Variants in PTPRD observed in about 807,000 individuals in gnomAD.
The protein encoded by PTPRD is receptor-type tyrosine-protein phosphatase delta.
Under a neutral mutation model 214.5 loss-of-function variants are expected in PTPRD, and 34 were observed. That is an observed-to-expected ratio of 0.16 (90% confidence interval 0.12 to 0.21). The LOEUF is 0.21. PTPRD is among the 10% of genes least tolerant of loss of function. The probability of loss-of-function intolerance (pLI) is 1.00; values close to 1 mark genes in which losing one functional copy is unlikely to be tolerated. For synonymous variants in PTPRD, 1,128 were observed against 845.7 expected, an observed-to-expected ratio of 1.33 and a Z score of -5.79; for missense variants, 2,545 against 2,398.7, an observed-to-expected ratio of 1.06 and a Z score of -1.27.
chr9:9,024,122 C>T (rs1056181215), intron 10 of PTPRD, among the ~76,000 whole-genome samples: 5 of 151,650 alleles, frequency 3.3e-5, no homozygotes, highest in African/African-American at 1.2e-4. Flanking sequence ...TTTGGGTATA[C>T]AGCTACCCAG....
chr9:10,611,738 T>C (rs2081027392), intron 2 of PTPRD, among the ~76,000 whole-genome samples: 1 of 152,186 alleles, frequency 6.6e-6, no homozygotes, highest in Non-Finnish European at 1.5e-5. Flanking sequence ...CCCTGCCCTC[T>C]CCAAAGTATT....
chr9:9,954,915 C>T (rs2093780012), intron 4 of PTPRD, among the ~76,000 whole-genome samples: 1 of 152,070 alleles, frequency 6.6e-6, no homozygotes, highest in East Asian at 1.9e-4. Flanking sequence ...CACGAACAAA[C>T]AAAACTCAGT....
intron 3 of PTPRD, among the ~76,000 whole-genome samples, chr9:10,181,184 G>C (rs574066229): frequency 6.6e-6 from 1 of 152,082 alleles, no homozygotes; most frequent in Non-Finnish European, 1.5e-5. Context: ...CTAATCTTTA[G>C]AGCTAAAAAT....
At chr9:10,387,794 G>A (rs1259554341) in intron 2 of PTPRD, among the ~76,000 whole-genome samples, 6 of 122,062 alleles carry the variant, frequency 4.9e-5, no homozygotes, top group South Asian at 2.9e-4. Flanking sequence ...TGTTGAATAC[G>A]ATTTAAAAAA....
intron 33 of PTPRD, among the ~76,000 whole-genome samples, chr9:8,454,406 T>C (rs1028407162): frequency 6.6e-6 from 1 of 152,192 alleles, no homozygotes; most frequent in Non-Finnish European, 1.5e-5. Context: ...ATATTTATTT[T>C]CCCCAGAATC....
At chr9:9,181,972 A>C (rs1158070749) in intron 10 of PTPRD, among the ~76,000 whole-genome samples, 2 of 152,168 alleles carry the variant, frequency 1.3e-5, no homozygotes, top group African/African-American at 4.8e-5. Context: ...GCTGAAACAT[A>C]AAGCAGAATG....
chr9:10,209,292 C>A (rs2099503158), intron 3 of PTPRD, among the ~76,000 whole-genome samples: 2 of 152,022 alleles, frequency 1.3e-5, no homozygotes, highest in Admixed American at 1.3e-4. Flanking sequence ...TGGTTTATAG[C>A]AAATCTATAT....
At chr9:10,592,247 A>C (rs1378973929) in intron 2 of PTPRD, among the ~76,000 whole-genome samples, 1 of 152,030 alleles carries the variant, frequency 6.6e-6, no homozygotes, top group Non-Finnish European at 1.5e-5. Flanking sequence ...AAGTGGGGAG[A>C]TGTCCTAGAA....
chr9:10,243,670 A>G (rs1340566632), intron 3 of PTPRD, among the ~76,000 whole-genome samples: 1 of 152,006 alleles, frequency 6.6e-6, no homozygotes. Context: ...GGAGATATAC[A>G]TAGTAACAAT....
chr9:9,522,412 T>C (rs1235819912), intron 8 of PTPRD, among the ~76,000 whole-genome samples: 2 of 152,130 alleles, frequency 1.3e-5, no homozygotes, highest in African/African-American at 4.8e-5. Flanking sequence ...AATGAAAACA[T>C]AACCCATTTA....
intron 2 of PTPRD, among the ~76,000 whole-genome samples, chr9:10,578,965 T>G (rs1266671108): frequency 1.3e-5 from 2 of 152,092 alleles, no homozygotes; most frequent in African/African-American, 2.4e-5. Context: ...TGCAGGTTTG[T>G]TACGTAGGTA....
chr9:10,240,286 T>A (rs577496684), intron 3 of PTPRD, among the ~76,000 whole-genome samples: 1 of 152,088 alleles, frequency 6.6e-6, no homozygotes, highest in East Asian at 1.9e-4. Flanking sequence ...AACTATCAAA[T>A]ACACTTGCTA....
chr9:9,193,748 GCTGC>G (rs2099936636), intron 9 of PTPRD, among the ~76,000 whole-genome samples: 2 of 152,156 alleles, frequency 1.3e-5, no homozygotes, highest in Admixed American at 1.3e-4. Flanking sequence ...CAGGACAGAA[GCTGC>G]CCTGGGTGAG....
chr9:9,075,575 A>T (rs906411400), intron 10 of PTPRD, among the ~76,000 whole-genome samples: 1 of 151,360 alleles, frequency 6.6e-6, no homozygotes, highest in African/African-American at 2.4e-5. Flanking sequence ...CCCACCCCAC[A>T]ACAGGCCCTG....
chr9:9,995,272 C>G (rs2096080236), intron 4 of PTPRD, among the ~76,000 whole-genome samples: 2 of 152,010 alleles, frequency 1.3e-5, no homozygotes, highest in East Asian at 1.9e-4. Context: ...ATAGCATTCT[C>G]TAAGGTATTC....
intron 3 of PTPRD, among the ~76,000 whole-genome samples, chr9:10,111,367 T>C (rs1319477140): frequency 2.7e-5 from 4 of 146,674 alleles, no homozygotes; most frequent in East Asian, 2.0e-4. Flanking sequence ...GCCTCCCAAG[T>C]AGCTGGGACT....
intron 9 of PTPRD, among the ~76,000 whole-genome samples, chr9:9,240,711 G>A (rs1389957556): frequency 1.3e-5 from 2 of 152,060 alleles, no homozygotes; most frequent in African/African-American, 2.4e-5. Flanking sequence ...TACAGGTATG[G>A]TAGTAATACG....
chr9:8,531,075 C>T (rs1413207673), intron 14 of PTPRD, among the ~76,000 whole-genome samples: 12 of 151,974 alleles, frequency 7.9e-5, no homozygotes, highest in Non-Finnish European at 1.5e-4. Context: ...AGCTGAACTT[C>T]ACTTAAGTTG....
chr9:9,442,435 T>G (rs567525738), intron 8 of PTPRD: 36 of 152,336 alleles, frequency 2.4e-4, no homozygotes, highest in African/African-American at 8.2e-4. Flanking sequence ...TCTGGGCCTC[T>G]GAGATATTCT....
Sources: allele counts gnomAD v4.1 joint callset (sites outside exome capture counted in the v4.1 genomes callset), GRCh38; gene constraint gnomAD v4.1.1; transcripts MANE v1.5; gene names NCBI Gene and HGNC (gene_info 2026-07-23, HGNC 2026-07-21).